RBMS2: variants seen among roughly 807,000 people sequenced by gnomAD.
RBMS2 encodes RNA-binding motif, single-stranded-interacting protein 2.
In RBMS2, 38 loss-of-function variants were observed where a neutral mutation model predicts 58.4. The ratio of observed to expected loss-of-function variants is 0.65; its 90% CI spans 0.50 to 0.85. RBMS2 has a LOEUF of 0.85. RBMS2 is among the 40% of genes least tolerant of loss of function. The pLI is 0.00. For missense variants in RBMS2, 367 were observed against 503.7 expected (o/e 0.73, Z 2.60); for synonymous variants, 151 against 180.7 (o/e 0.84, Z 1.32).
chr12:56,550,921 G>A (rs577423786), intron 1 of RBMS2, among the ~76,000 whole-genome samples: 1 of 151,654 alleles, frequency 6.6e-6, no homozygotes, highest in South Asian at 2.1e-4. Context: ...ATTGCTTGAG[G>A]CCAGGAGTTC....
intron 3 of RBMS2, among the ~76,000 whole-genome samples, chr12:56,569,514 GT>G (rs1374373193): frequency 2.0e-5 from 3 of 152,160 alleles, no homozygotes; most frequent in African/African-American, 7.2e-5. Context: ...GTGGCTGGTG[GT>G]CTGCTCTGGA....
intron 1 of RBMS2, among the ~76,000 whole-genome samples, chr12:56,526,439 C>T (rs1389124363): frequency 6.6e-6 from 1 of 152,008 alleles, no homozygotes; most frequent in Non-Finnish European, 1.5e-5. Context: ...TTTTCTTACT[C>T]TTTATTGGCT....
intron 1 of RBMS2, 46 bp from the exon 2 acceptor site, chr12:56,562,371 A>G: frequency 6.6e-7 from 1 of 1,525,140 alleles, no homozygotes; most frequent in Non-Finnish European, 9.0e-7. Context: ...ACTCTCCAAC[A>G]TGTAAATGGA....
chr12:56,553,016 C>T lies in RBMS2; in HGVS notation c.67-9401C>T, dbSNP rs1022125167. ...CACTCTCGGCTCACTGCAACCTCAT[C>T]CTCCCAGGTTCAAGCAGTTCTCCTG... On this transcript the variant is annotated intron_variant, in intron 1 of 13. Transcript: ENST00000262031. Among the ~76,000 whole-genome samples, 5 of 139,868 alleles carry T rather than the reference C, an allele frequency of 3.6e-5. No homozygotes were observed. The Admixed American group carries it at 3.8e-4, about 11-fold the overall frequency. The allele number at this position is 139,868 out of a possible 152,430, so 91.8% of individuals were successfully genotyped here.
chr12:56,588,224 A>T (rs1361009234), intron 11 of RBMS2, 70 bp from the exon 12 acceptor site: 17 of 1,227,990 alleles, frequency 1.4e-5, no homozygotes, highest in Non-Finnish European at 1.8e-5. Flanking sequence ...TATTTTTTTT[A>T]AAGCCCCTCA....
intron 1 of RBMS2, among the ~76,000 whole-genome samples, chr12:56,553,986 G>A (rs2136362575): frequency 6.6e-6 from 1 of 151,474 alleles, no homozygotes; most frequent in East Asian, 2.0e-4. Context: ...CACTATGCTC[G>A]ACTAATTTTT....
chr12:56,532,758 T>G (rs1422547633), intron 1 of RBMS2, among the ~76,000 whole-genome samples: 1 of 152,062 alleles, frequency 6.6e-6, no homozygotes, highest in Non-Finnish European at 1.5e-5. Context: ...TTACATGTAG[T>G]TATAAAGTGT....
At chr12:56,536,980 G>C (rs772133197) in intron 1 of RBMS2, among the ~76,000 whole-genome samples, 69 of 151,180 alleles carry the variant, frequency 4.6e-4, no homozygotes, top group Non-Finnish European at 8.7e-4. Context: ...GAGTGCAGTG[G>C]CATGATCTTG....
At chr12:56,539,703 C>T (rs1296769329) in intron 1 of RBMS2, 1 of 451,490 alleles carries the variant, frequency 2.2e-6, no homozygotes, top group South Asian at 1.6e-5. Flanking sequence ...TTCGTTCGCT[C>T]TTGTTGCCCA....
chr12:56,526,230 C>G (rs1466431531), intron 1 of RBMS2, among the ~76,000 whole-genome samples: 1 of 151,776 alleles, frequency 6.6e-6, no homozygotes, highest in African/African-American at 2.4e-5. Flanking sequence ...TCACTTGAAC[C>G]CAGGAGGTGG....
intron 1 of RBMS2, among the ~76,000 whole-genome samples, chr12:56,542,737 G>T (rs1378123004): frequency 6.7e-6 from 1 of 149,844 alleles, no homozygotes; most frequent in Non-Finnish European, 1.5e-5. Flanking sequence ...TTTTGTAGAG[G>T]CAGGGTCTCC....
rs1884872413 is a variant in RBMS2 at position 56,587,753 on chromosome 12, T to C, written c.1062+89T>C. 2.1e-6 allele frequency: 3 copies of C among 1,444,756 alleles called. No individual in the cohort carries two copies. In the Admixed American group the frequency reaches 6.2e-5, roughly 30 times the overall value. 89.5% of individuals were successfully genotyped at this position (1,444,756 alleles called of 1,614,324 possible). A position where few individuals can be genotyped will look rare whatever the true frequency, so the allele number is the denominator to read the frequency against. ...TTCAGCGTAAGTAACTTATGAATAA[T>C]GATGGAATTACTTCAGTGTCATCCG... is the stretch of plus-strand genomic sequence containing the variant. On this transcript the variant is annotated intron_variant, in intron 11 of 13. Transcript: ENST00000262031.
chr12:56,542,942 G>A (rs1033230956), intron 1 of RBMS2, among the ~76,000 whole-genome samples: 17 of 151,786 alleles, frequency 1.1e-4, no homozygotes, highest in Middle Eastern at 3.4e-3. Context: ...GTCTCACTCT[G>A]TCACCCAGGC....
At chr12:56,586,805 A>G (rs764605133) in intron 9 of RBMS2, 44 bp from the exon 10 acceptor site, 5 of 1,506,326 alleles carry the variant, frequency 3.3e-6, no homozygotes, top group Non-Finnish European at 4.6e-6. Context: ...TGGGCTGAAT[A>G]ATAGTTTCCA....
At chr12:56,568,530 CTTTTTTTTCT>C (rs1881746649) in intron 2 of RBMS2, among the ~76,000 whole-genome samples, 1 of 144,882 alleles carries the variant, frequency 6.9e-6, no homozygotes, top group Non-Finnish European at 1.5e-5. Flanking sequence ...TAACCCATTT[CTTTTTTTTCT>C]TTTTTTTTTT....
chr12:56,534,245 T>C (rs913011116), intron 1 of RBMS2, among the ~76,000 whole-genome samples: 5 of 152,240 alleles, frequency 3.3e-5, no homozygotes, highest in African/African-American at 1.2e-4. Context: ...ATTTATCCAT[T>C]CTCCTACCAA....
rs1026830760 is a variant in RBMS2, at chr12:56,590,666, C to T, written c.*1533C>T. On this transcript the variant is annotated 3_prime_UTR_variant, in exon 14 of 14. Transcript: ENST00000262031. The stretch of plus-strand genomic sequence containing the variant: ...CTGGGATCCTTGAATTCTCCCCAGA[C>T]TTTGACTTTTGATAACTCTGCATAT... The T allele has an allele frequency of 6.6e-6, 1 of 152,192 alleles. No homozygotes were observed. The highest frequency in any genetic ancestry group is 1.5e-5 in the Non-Finnish European group (1 of 68,050). 9.4% of individuals were successfully genotyped at this position (152,192 alleles called of 1,614,324 possible).
rs1021532784 is a variant in RBMS2, at chr12:56,569,816, T to C, written c.293-83T>C. On this transcript the variant is annotated intron_variant, in intron 3 of 13. Transcript: ENST00000262031. ...CCATTTCTGTTACATGGATCATAAC[T>C]CTTCCTCTGTCTCCTGAAAAGCCTG... is the stretch of plus-strand genomic sequence containing the variant. 3.4e-6 allele frequency: 4 copies of C among 1,173,882 alleles called. No individual in the cohort carries two copies. In the African/African-American group the frequency reaches 4.6e-5, roughly 14 times the overall value. The allele number at this position is 1,173,882 out of a possible 1,614,324, so 72.7% of individuals were successfully genotyped here.
At chr12:56,552,922 C>CTTTT (rs57408592) in intron 1 of RBMS2, among the ~76,000 whole-genome samples, 3 of 62,024 alleles carry the variant, frequency 4.8e-5, no homozygotes, top group African/African-American at 1.8e-4. Flanking sequence ...ATTAAGAGTC[C>CTTTT]TTTTTTTTTT....
Sources: gnomAD v4.1 joint callset for allele counts (sites outside exome capture counted in the v4.1 genomes callset) on GRCh38, gnomAD v4.1.1 for gene constraint, MANE v1.5 for transcripts, NCBI Gene and HGNC (gene_info 2026-07-23, HGNC 2026-07-21) for gene names.